The following PARP1 variants were observed in gnomAD, a reference collection of about 807,000 sequenced individuals.
The protein encoded by PARP1 is poly(ADP-ribose) polymerase 1.
A neutral mutation model predicts 118.7 loss-of-function variants in PARP1; 44 were observed. That is an observed-to-expected ratio of 0.37 (90% CI 0.29 to 0.48). The LOEUF is 0.48. PARP1 is among the 20% of genes least tolerant of loss of function. The pLI is 0.99. For synonymous variants in PARP1, 492 were observed against 483.2 expected (o/e 1.02, Z -0.24); for missense variants, 1,100 against 1,272.4 (o/e 0.86, Z 2.06).
At chr1:226,364,617 C>T (rs1453768741) in intron 19 of PARP1, among the ~76,000 whole-genome samples, 1 of 152,210 alleles carries the variant, frequency 6.6e-6, no homozygotes, top group South Asian at 2.1e-4. Flanking sequence ...GCATCACGAT[C>T]CCTCGTGTCT....
chr1:226,365,049 C>T lies in PARP1; in HGVS notation c.2611G>A (p.Gly871Arg). The change falls in exon 19 of 23, where the codon GGG becomes AGG. Residue 871 changes from glycine to arginine, a missense_variant. By Grantham distance (125) the Gly-to-Arg change is moderately radical. Around this residue, in one of 2 missense-constraint regions of PARP1, gnomAD observed 152 missense variants for 240.6 expected, o/e 0.63. Coordinates refer to ENST00000366794, the MANE Select transcript of PARP1 (RefSeq NM_001618.4). ...WHGSRTTNFA[G>R]ILSQGLRIAP... The stretch of plus-strand genomic sequence containing the variant: ...ATCCGAAGACCCTGGGACAGGATCC[C>T]AGCAAAGTTGGTGGTCCTGGACCCG... 1 of 1,614,224 alleles carries T rather than the reference C, an allele frequency of 6.2e-7. No homozygotes were observed. Among genetic ancestry groups the T allele is most frequent in the African/African-American group, 1.3e-5 (1 of 75,078 alleles).
chr1:226,386,538 C>A, intron 5 of PARP1, 96 bp from the exon 6 acceptor site: 1 of 833,370 alleles, frequency 1.2e-6, no homozygotes, highest in South Asian at 1.3e-5. Flanking sequence ...TCCAGTTATA[C>A]CCTTGTGCAC....
chr1:226,370,690 T>C lies in PARP1; in HGVS notation c.2071-173A>G, dbSNP rs1229391986. The C allele has an allele frequency of 4.5e-6, 3 of 668,434 alleles. No homozygotes were observed. The Admixed American group carries it at 6.2e-5, about 14-fold the overall frequency. 41.4% of individuals were successfully genotyped at this position (668,434 alleles called of 1,614,324 possible). A position where few individuals can be genotyped will look rare whatever the true frequency, so the allele number is the denominator to read the frequency against. ...CAGAGTCTGTAGCCCCACCCCACCA[T>C]GAGGGATGGCAGTGTGTCTGAAGAT... On this transcript the variant is annotated intron_variant, in intron 14 of 22. Transcript: ENST00000366794.
chr1:226,393,140 T>A (rs1397392040), intron 2 of PARP1, among the ~76,000 whole-genome samples: 2 of 152,130 alleles, frequency 1.3e-5, no homozygotes, highest in African/African-American at 4.8e-5. Flanking sequence ...ATTTAGCAAA[T>A]ACGCAGGGCA....
chr1:226,394,295 T>C (rs557693424), intron 2 of PARP1, among the ~76,000 whole-genome samples: 120 of 152,340 alleles, frequency 7.9e-4, no homozygotes, highest in Non-Finnish European at 1.5e-3. Flanking sequence ...AGTTCAAGGC[T>C]ACAGTGAGCT....
chr1:226,367,670 G>C (rs989395131), intron 16 of PARP1, 62 bp from the exon 17 acceptor site: 2 of 1,600,892 alleles, frequency 1.2e-6, no homozygotes, highest in Admixed American at 3.3e-5. Context: ...GACTCACCCA[G>C]GTGGCAGAGA....
intron 5 of PARP1, 145 bp from the exon 6 acceptor site, chr1:226,386,587 G>T: frequency 1.3e-6 from 1 of 745,226 alleles, no homozygotes. Flanking sequence ...ATTAGCACAG[G>T]ATTTGACTCC....
chr1:226,375,145 C>T (rs1310788871), intron 13 of PARP1, among the ~76,000 whole-genome samples: 1 of 152,224 alleles, frequency 6.6e-6, no homozygotes, highest in Non-Finnish European at 1.5e-5. Flanking sequence ...GACTGGCTTA[C>T]CCAAGAGCTA....
chr1:226,405,766 G>T (rs1381582152), intron 1 of PARP1, among the ~76,000 whole-genome samples: 1 of 152,142 alleles, frequency 6.6e-6, no homozygotes, highest in African/African-American at 2.4e-5. Context: ...CTGCCCACCT[G>T]TTAAGGCGCC....
chr1:226,385,544 T>C lies in PARP1; in HGVS notation c.971A>G (p.Lys324Arg), dbSNP rs1664698501. 18 of 1,614,042 alleles carry C rather than the reference T, an allele frequency of 1.1e-5. No homozygotes were observed. The highest frequency in any genetic ancestry group is 1.5e-5 in the Non-Finnish European group (18 of 1,180,020). Reference sequence around the variant, plus strand: ...CTCCTTCCGGTTGGGTGTCTGTGTCTTGACCATACACTTGGTCCAGGCAGT... The same window carrying C: ...CTCCTTCCGGTTGGGTGTCTGTGTCCTGACCATACACTTGGTCCAGGCAGT... ...DVTAWTKCMV[K>R]TQTPNRKEWV... Residue 324 changes from lysine to arginine, a missense_variant, in exon 7 of 23, where the codon AAG becomes AGG. Around this residue, in one of 2 missense-constraint regions of PARP1, gnomAD observed 948 missense variants for 1,031.8 expected, o/e 0.92. Transcript: ENST00000366794.
In PARP1 at chr1:226,392,269, C is replaced by A; in HGVS notation, c.332G>T (p.Gly111Val). ...CTTGGCATACTCTGCTGCAAAGTCACCCAGAGTCTTCTCTGCCTTGCTACC... is the reference window on the plus strand; with the variant it reads ...CTTGGCATACTCTGCTGCAAAGTCAACCAGAGTCTTCTCTGCCTTGCTACC... Reference protein sequence around the residue: ...GIGSKAEKTLGDFAAEYAKSN... With the variant: ...GIGSKAEKTLVDFAAEYAKSN... The change falls in exon 3 of 23, where the codon GGT becomes GTT. Residue 111 changes from glycine to valine, a missense_variant. Coordinates refer to ENST00000366794, the MANE Select transcript of PARP1 (RefSeq NM_001618.4). 1 of 1,614,144 alleles carries A rather than the reference C, an allele frequency of 6.2e-7. No individual in the cohort carries two copies. The highest frequency in any genetic ancestry group is 1.3e-5 in the African/African-American group (1 of 75,044).
At position 226,381,055 on chromosome 1, in the gene PARP1, A is replaced by G; in HGVS notation, c.1300+13T>C. ...AGCATTGTCCCTGTTGCACAAATTC[A>G]GATTCAACTCACTTTTGGTGCTGAT... On this transcript the variant is annotated intron_variant, in intron 9 of 22. Transcript: ENST00000366794. 1 of 1,614,096 alleles carries G rather than the reference A, an allele frequency of 6.2e-7. No individual in the cohort carries two copies. The highest frequency in any genetic ancestry group is 8.5e-7 in the Non-Finnish European group (1 of 1,179,926).
At position 226,367,371 on chromosome 1, in the gene PARP1, A is replaced by G. The variant is rs1664291194; in HGVS notation, c.2406+109T>C. 28 of 1,319,962 alleles carry G rather than the reference A, an allele frequency of 2.1e-5. No individual in the cohort carries two copies. The South Asian group carries it at 3.3e-4, about 16-fold the overall frequency. 81.8% of individuals were successfully genotyped at this position (1,319,962 alleles called of 1,614,324 possible). A position where few individuals can be genotyped will look rare whatever the true frequency, so the allele number is the denominator to read the frequency against. ...AAAAGTGAATTATTGGGCGCCAGCC[A>G]CCTGTGTTTTAACAAGCTTTCCAGG... On this transcript the variant is annotated intron_variant, in intron 17 of 22. Coordinates refer to ENST00000366794, the MANE Select transcript of PARP1 (RefSeq NM_001618.4).
In PARP1 at chr1:226,402,211, C is replaced by T. The variant is rs1396078625; in HGVS notation, c.286+3G>A. ...TGCCCATGCTGCCCCAGTATGTACA[C>T]ACCTGTCACTCCTCCAGCTTCCGCT... On this transcript the variant is annotated splice_donor_region_variant and intron_variant, in intron 2 of 22. Transcript: ENST00000366794. The T allele has an allele frequency of 1.2e-6, 2 of 1,614,212 alleles. No individual in the cohort carries two copies. Among genetic ancestry groups the T allele is most frequent in the East Asian group, 2.2e-5 (1 of 44,884 alleles).
Position 226,367,628 on chromosome 1 carries a change from C to A in PARP1, c.2278-20G>T. 1 of 1,613,630 alleles carries A rather than the reference C, an allele frequency of 6.2e-7. No homozygotes were observed. The highest frequency in any genetic ancestry group is 1.3e-5 in the African/African-American group (1 of 75,042). On this transcript the variant is annotated intron_variant, in intron 16 of 22. Transcript: ENST00000366794. ...CTTGGCCTGGAGGAGCAAAAGAAAG[C>A]CCCCGACTTAGGTATCATGGTGAAT...
intron 1 of PARP1, among the ~76,000 whole-genome samples, chr1:226,404,981 C>T (rs1049819218): frequency 2.0e-5 from 3 of 152,168 alleles, no homozygotes. Context: ...ATCCTCCTCC[C>T]ACCAAAATGC....
At chr1:226,371,602 C>A (rs951831738) in intron 14 of PARP1, among the ~76,000 whole-genome samples, 1 of 152,168 alleles carries the variant, frequency 6.6e-6, no homozygotes, top group African/African-American at 2.4e-5. Context: ...GGAGCCACAT[C>A]TGGGGAAGAA....
intron 2 of PARP1, among the ~76,000 whole-genome samples, chr1:226,397,371 T>A (rs1664944682): frequency 6.6e-6 from 1 of 152,112 alleles, no homozygotes; most frequent in Non-Finnish European, 1.5e-5. Context: ...CAAATTTATT[T>A]ACTTTTTAAA....
At chr1:226,375,974 C>T (rs932141159) in intron 13 of PARP1, among the ~76,000 whole-genome samples, 2 of 152,010 alleles carry the variant, frequency 1.3e-5, no homozygotes, top group Non-Finnish European at 2.9e-5. Context: ...TTTTTTGTGC[C>T]TTAGTATTAA....
Sources: allele counts gnomAD v4.1 joint callset (sites outside exome capture counted in the v4.1 genomes callset), GRCh38; gene constraint gnomAD v4.1.1; regional missense constraint gnomAD v4.1.1; transcripts MANE v1.5; gene names NCBI Gene and HGNC (gene_info 2026-07-23, HGNC 2026-07-21).